Variants in CNBD2 observed in about 807,000 individuals in gnomAD.
CNBD2 encodes the protein cyclic nucleotide binding domain containing 2.
A neutral mutation model predicts 63.7 loss-of-function variants in CNBD2; 64 were observed. That is an observed-to-expected ratio of 1.00 (90% CI 0.82 to 1.24). The LOEUF (loss-of-function observed/expected upper bound fraction) is 1.24. CNBD2 is among the 50% of genes most tolerant of loss of function. The pLI is 0.00. For synonymous variants in CNBD2, 229 were observed against 255.4 expected (o/e 0.90, Z 0.99); for missense variants, 691 against 713.5 (o/e 0.97, Z 0.36).
In CNBD2 at chr20:36,030,612, A is replaced by G; in HGVS notation, c.1695A>G (p.Lys565=). Residue 565 remains lysine (K), a synonymous_variant, in exon 12 of 12, where the codon AAA becomes AAG. Coordinates refer to ENST00000373973, the MANE Select transcript of CNBD2 (RefSeq NM_001365709.1). Reference sequence around the variant, plus strand: ...CATTGAGGATTGTCCAAGCCATCAAAGCACCTCGGTACAAAATCCGAGAAC... The same window carrying G: ...CATTGAGGATTGTCCAAGCCATCAAGGCACCTCGGTACAAAATCCGAGAAC... ...LPPLRIVQAI[K]APRYKIRELL... The G allele has an allele frequency of 6.2e-7, 1 of 1,614,210 alleles. No homozygotes were observed. The highest frequency in any genetic ancestry group is 8.5e-7 in the Non-Finnish European group (1 of 1,180,040).
Position 35,972,780 on chromosome 20 carries a change from C to T in CNBD2, c.189+14C>T, listed in dbSNP as rs747865904. 1.1e-5 allele frequency: 18 copies of T among 1,613,744 alleles called. No individual in the cohort carries two copies. The highest frequency in any genetic ancestry group is 1.5e-5 in the Non-Finnish European group (18 of 1,179,716). ...TCCTTCTGGGATGTAAGCAGTTGGG[C>T]TCAGCAGGATTATGAGGGCTCAAAG... On this transcript the variant is annotated intron_variant, in intron 2 of 11. Coordinates refer to ENST00000373973, the MANE Select transcript of CNBD2 (RefSeq NM_001365709.1).
chr20:35,973,102 G>T, intron 2 of CNBD2: 1 of 445,106 alleles, frequency 2.2e-6, no homozygotes, highest in Non-Finnish European at 3.9e-6. Context: ...TGAGAGGGAA[G>T]GAGACAATCA....
In CNBD2 at chr20:35,984,244, C is replaced by T. The variant is rs542146248; in HGVS notation, c.564+106C>T. The stretch of plus-strand genomic sequence containing the variant: ...GCCCAGTCCTGCCTAGTACTCTGTA[C>T]AAGTCAGTGTCCCGTGTGGGCCCCT... On this transcript the variant is annotated intron_variant, in intron 5 of 11. Coordinates refer to ENST00000373973, the MANE Select transcript of CNBD2 (RefSeq NM_001365709.1). The T allele has an allele frequency of 1.8e-4, 215 of 1,211,150 alleles. 1 individual carries two copies. In the African/African-American group the frequency reaches 2.8e-3, roughly 16 times the overall value. The allele number at this position is 1,211,150 out of a possible 1,614,324, so 75.0% of individuals were successfully genotyped here.
chr20:35,985,141 T>TA (rs1294428743), intron 6 of CNBD2, among the ~76,000 whole-genome samples: 2 of 151,180 alleles, frequency 1.3e-5, no homozygotes, highest in Non-Finnish European at 3.0e-5. Context: ...AATAAAAAAT[T>TA]AAAAAAAATT....
At chr20:35,981,530 G>A (rs1209295150) in intron 4 of CNBD2, among the ~76,000 whole-genome samples, 1 of 152,012 alleles carries the variant, frequency 6.6e-6, no homozygotes, top group Admixed American at 6.6e-5. Context: ...CTACCTCCTA[G>A]GTTCATATGA....
chr20:36,028,146 A>C (rs1455838757), intron 11 of CNBD2, among the ~76,000 whole-genome samples: 1 of 152,140 alleles, frequency 6.6e-6, no homozygotes, highest in Admixed American at 6.5e-5. Flanking sequence ...CTGCCACTCA[A>C]AAAAGGGTTT....
At chr20:35,998,134 CA>C (rs1452667250) in intron 8 of CNBD2, among the ~76,000 whole-genome samples, 1 of 151,266 alleles carries the variant, frequency 6.6e-6, no homozygotes, top group African/African-American at 2.4e-5. Flanking sequence ...CTCCACCCCC[CA>C]GGTTCGAGCA....
chr20:35,995,727 A>C (rs1445160278), intron 8 of CNBD2, among the ~76,000 whole-genome samples: 1 of 152,194 alleles, frequency 6.6e-6, no homozygotes, highest in African/African-American at 2.4e-5. Flanking sequence ...GTTGCTATGA[A>C]CATTTGTATG....
chr20:36,025,385 A>G (rs1026972643), intron 11 of CNBD2, among the ~76,000 whole-genome samples: 1 of 151,976 alleles, frequency 6.6e-6, no homozygotes, highest in Non-Finnish European at 1.5e-5. Flanking sequence ...CCCAGGCTGG[A>G]GTGCAGTGGC....
intron 10 of CNBD2, among the ~76,000 whole-genome samples, chr20:36,015,087 T>A (rs1049935361): frequency 1.3e-5 from 2 of 152,214 alleles, no homozygotes; most frequent in Admixed American, 1.3e-4. Flanking sequence ...CTCATTGGAT[T>A]TTCAATTTGT....
intron 9 of CNBD2, 121 bp downstream of exon 9, chr20:36,008,595 CCAAA>C: frequency 2.0e-6 from 2 of 1,008,744 alleles, no homozygotes; most frequent in Non-Finnish European, 2.8e-6. Context: ...CAGGTCAATC[CCAAA>C]GGATTGTGCA....
intron 10 of CNBD2, among the ~76,000 whole-genome samples, chr20:36,016,261 T>C (rs1451353699): frequency 6.6e-6 from 1 of 152,170 alleles, no homozygotes; most frequent in Non-Finnish European, 1.5e-5. Flanking sequence ...AAGAGCCCTA[T>C]TATTAAATGT....
upstream of CNBD2, among the ~76,000 whole-genome samples, chr20:35,966,270 A>T (rs1340235833): frequency 6.6e-6 from 1 of 152,044 alleles, no homozygotes; most frequent in South Asian, 2.1e-4. Flanking sequence ...TGGGGGAAAA[A>T]CCAGTTTTGT....
chr20:35,956,481 A>G (rs762343171), downstream of CNBD2, among the ~76,000 whole-genome samples: 8 of 152,154 alleles, frequency 5.3e-5, no homozygotes, highest in Non-Finnish European at 7.4e-5. Context: ...CTCAATCTCA[A>G]CCATTCCCTA....
rs1274149942 is a variant in CNBD2, at chr20:35,981,518, C to T, written c.407+896C>T. On this transcript the variant is annotated intron_variant, in intron 4 of 11. Coordinates refer to ENST00000373973, the MANE Select transcript of CNBD2 (RefSeq NM_001365709.1). ...TGGTGTGATCACAGCTCACTGAAGC[C>T]TCTACCTCCTAGGTTCATATGAGCC... Among the ~76,000 whole-genome samples the T allele has an allele frequency of 2.6e-5, 4 of 152,236 alleles. No homozygotes were observed. In the East Asian group the frequency reaches 7.7e-4, roughly 29 times the overall value.
At chr20:35,978,757 A>G (rs766887137) in intron 3 of CNBD2, among the ~76,000 whole-genome samples, 13 of 152,190 alleles carry the variant, frequency 8.5e-5, no homozygotes, top group Non-Finnish European at 1.6e-4. Flanking sequence ...CTCCCAAAGC[A>G]CTGGGATTAC....
intron 1 of CNBD2, among the ~76,000 whole-genome samples, chr20:35,970,643 C>T (rs1018004697): frequency 1.3e-5 from 2 of 152,106 alleles, no homozygotes; most frequent in Non-Finnish European, 2.9e-5. Flanking sequence ...AGTGATCAGC[C>T]CACCTTGGCC....
intron 8 of CNBD2, among the ~76,000 whole-genome samples, chr20:35,995,510 A>G (rs1465438242): frequency 6.6e-6 from 1 of 152,122 alleles, no homozygotes; most frequent in Non-Finnish European, 1.5e-5. Context: ...TATAAATAGC[A>G]TCATACATTA....
chr20:36,030,602 A>G lies in CNBD2; in HGVS notation c.1685A>G (p.Gln562Arg), dbSNP rs1375254871. The G allele has an allele frequency of 6.2e-7, 1 of 1,614,200 alleles. No individual in the cohort carries two copies. Among genetic ancestry groups the G allele is most frequent in the Non-Finnish European group, 8.5e-7 (1 of 1,180,040 alleles). Residue 562 changes from glutamine to arginine, a missense_variant, in exon 12 of 12, where the codon CAA becomes CGA. Transcript: ENST00000373973. The stretch of plus-strand genomic sequence containing the variant: ...TACCTCCCCCCATTGAGGATTGTCC[A>G]AGCCATCAAAGCACCTCGGTACAAA... Reference protein sequence around the residue: ...QKYLPPLRIVQAIKAPRYKIR... With the variant: ...QKYLPPLRIVRAIKAPRYKIR...
Sources: allele counts gnomAD v4.1 joint callset (sites outside exome capture counted in the v4.1 genomes callset), GRCh38; gene constraint gnomAD v4.1.1; transcripts MANE v1.5; gene names NCBI Gene and HGNC (gene_info 2026-07-23, HGNC 2026-07-21).